Variants in MAP7D2 observed in about 807,000 individuals in gnomAD.
MAP7D2 encodes the protein MAP7 domain-containing protein 2.
A neutral mutation model predicts 63.5 loss-of-function variants in MAP7D2; 33 were observed. That is an observed-to-expected ratio of 0.52 (90% CI 0.39 to 0.70). The LOEUF (loss-of-function observed/expected upper bound fraction) is 0.70, where lower values mean the gene tolerates loss of function less well. MAP7D2 is among the 30% of genes least tolerant of loss of function. The probability of loss-of-function intolerance (pLI) is 0.00; values close to 1 mark genes in which losing one functional copy is unlikely to be tolerated. For missense variants in MAP7D2, 626 were observed against 604.0 expected (o/e 1.04, Z -0.38); for synonymous variants, 224 against 223.7 (o/e 1.00, Z -0.01).
intron 10 of MAP7D2, chrX:20,017,039 G>T (rs2073420891): frequency 8.8e-6 from 1 of 113,767 alleles, no homozygotes; most frequent in Non-Finnish European, 1.9e-5. Context: ...ATCCTGTAAA[G>T]TCCAAGAGCT....
chrX:20,036,304 G>A (rs2074228618), intron 8 of MAP7D2, among the ~76,000 whole-genome samples: 3 of 110,038 alleles, frequency 2.7e-5, no homozygotes, highest in Middle Eastern at 4.6e-3. Flanking sequence ...TGGAAGTGGC[G>A]CGATCTCAGC....
chrX:20,055,638 C>A (rs1453692257), intron 4 of MAP7D2: 2 of 469,337 alleles, frequency 4.3e-6, no homozygotes, highest in Admixed American at 4.9e-5. Flanking sequence ...GACTAAGAAA[C>A]CAATTGTAAA....
intron 3 of MAP7D2, among the ~76,000 whole-genome samples, chrX:20,059,704 G>GGAAGGAAGGAAGGAAA (rs2065157683): frequency 9.5e-6 from 1 of 105,086 alleles, no homozygotes; most frequent in Non-Finnish European, 2.0e-5. Flanking sequence ...AGGATAGATA[G>GGAAGGAAGGAAGGAAA]GAAGGAAGGA....
At chrX:20,108,086 G>A (rs906381774) in intron 1 of MAP7D2, among the ~76,000 whole-genome samples, 14 of 110,720 alleles carry the variant, frequency 1.3e-4, no homozygotes, top group African/African-American at 3.6e-4. Context: ...TCTTTTTTAC[G>A]TTTTTTTTGT....
At position 20,007,154 on chromosome X, in the gene MAP7D2, T is replaced by C. The variant is rs1444597550; in HGVS notation, c.*1271A>G. The C allele has an allele frequency of 8.9e-6, 1 of 112,106 alleles. No individual in the cohort carries two copies. The highest frequency in any genetic ancestry group is 1.9e-5 in the Non-Finnish European group (1 of 53,276). 9.2% of individuals were successfully genotyped at this position (112,106 alleles called of 1,213,427 possible). A position where few individuals can be genotyped will look rare whatever the true frequency, so the allele number is the denominator to read the frequency against. ...GAGTAGAGACACATACACAGACATA[T>C]AATTTCTGTAACTAATACATTCTTA... On this transcript the variant is annotated 3_prime_UTR_variant, in exon 17 of 17. Coordinates refer to ENST00000379643, the MANE Select transcript of MAP7D2 (RefSeq NM_001168465.2).
chrX:20,051,130 C>T, intron 5 of MAP7D2, among the ~76,000 whole-genome samples, 184 bp from the exon 6 acceptor site: 1 of 112,008 alleles, frequency 8.9e-6, no homozygotes, highest in Non-Finnish European at 1.9e-5. Flanking sequence ...ATAATGTGTC[C>T]TTTAGAGTTT....
At chrX:20,071,304 G>C (rs1030387542) in intron 1 of MAP7D2, among the ~76,000 whole-genome samples, 1 of 112,233 alleles carries the variant, frequency 8.9e-6, no homozygotes, top group Non-Finnish European at 1.9e-5. Flanking sequence ...TAGATGCCTG[G>C]GTCTCCCTTC....
intron 10 of MAP7D2, among the ~76,000 whole-genome samples, chrX:20,016,861 G>T (rs975961005): frequency 1.8e-5 from 2 of 111,906 alleles, no homozygotes; most frequent in Non-Finnish European, 3.8e-5. Flanking sequence ...ACAGAAACTT[G>T]ACATTTAATA....
At chrX:20,088,845 T>C (rs1291800278) in intron 1 of MAP7D2, among the ~76,000 whole-genome samples, 2 of 111,135 alleles carry the variant, frequency 1.8e-5, no homozygotes, top group Non-Finnish European at 3.8e-5. Context: ...TTTCTTTCTT[T>C]TTTTTTGAGG....
intron 1 of MAP7D2, among the ~76,000 whole-genome samples, chrX:20,100,041 T>C (rs2066386366): frequency 8.9e-6 from 1 of 111,786 alleles, no homozygotes; most frequent in Admixed American, 9.5e-5. Flanking sequence ...GCATGGGCTT[T>C]CATTTATATC....
chrX:20,075,725 C>T (rs2065627480), intron 1 of MAP7D2, among the ~76,000 whole-genome samples: 2 of 111,893 alleles, frequency 1.8e-5, no homozygotes, highest in Non-Finnish European at 3.8e-5. Context: ...TCCCTTTTGA[C>T]TACTGAATTC....
chrX:20,014,440 C>T (rs1469217508), intron 12 of MAP7D2, among the ~76,000 whole-genome samples: 2 of 110,828 alleles, frequency 1.8e-5, no homozygotes, highest in African/African-American at 6.6e-5. Context: ...TGGTGGTGTG[C>T]GCCTGTAATC....
At chrX:20,098,056 A>G (rs1188710003) in intron 1 of MAP7D2, among the ~76,000 whole-genome samples, 1 of 111,544 alleles carries the variant, frequency 9.0e-6, no homozygotes, top group Non-Finnish European at 1.9e-5. Context: ...ACTATAACAA[A>G]AAATCTTTTT....
chrX:20,041,080 C>T (rs1305696303), intron 8 of MAP7D2, among the ~76,000 whole-genome samples: 1 of 111,658 alleles, frequency 9.0e-6, no homozygotes, highest in African/African-American at 3.3e-5. Flanking sequence ...CCTGCAGGGA[C>T]CATGAGTCCA....
intron 3 of MAP7D2, among the ~76,000 whole-genome samples, chrX:20,063,024 TGA>T (rs1462450097): frequency 9.1e-6 from 1 of 109,729 alleles, no homozygotes. Flanking sequence ...CAATCTCCTC[TGA>T]GTCTTTTTTT....
At chrX:20,044,035 C>T (rs759187684) in intron 7 of MAP7D2, among the ~76,000 whole-genome samples, 4 of 111,651 alleles carry the variant, frequency 3.6e-5, no homozygotes, top group Non-Finnish European at 5.6e-5. Context: ...CTTAGATGCA[C>T]GGGCAAGACT....
chrX:20,098,481 C>T (rs2066333230), intron 1 of MAP7D2, among the ~76,000 whole-genome samples: 1 of 111,993 alleles, frequency 8.9e-6, no homozygotes, highest in East Asian at 2.8e-4. Context: ...CACAGAAAGG[C>T]TCTTGGTCCC....
intron 5 of MAP7D2, chrX:20,052,362 C>G: frequency 3.8e-6 from 1 of 264,442 alleles, no homozygotes; most frequent in Non-Finnish European, 7.1e-6. Flanking sequence ...GCCACCCAAC[C>G]TTTTCCTCTT....
Position 20,064,804 on chromosome X carries a change from G to A in MAP7D2, c.132C>T (p.Gly44=), listed in dbSNP as rs1175568307. Residue 44 remains glycine, a splice_region_variant and synonymous_variant, in exon 2 of 17, where the codon GGC becomes GGT. Coordinates refer to ENST00000379643, the MANE Select transcript of MAP7D2 (RefSeq NM_001168465.2). ...RTSQPNYRPQ[G]MEGFLKSDER... ...CATCTGATTTCAAAAATCCCTCCAT[G>A]CCTACAAAGGAGAAAACTAGATTAT... 1 of 1,199,903 alleles carries A rather than the reference G, an allele frequency of 8.3e-7. No homozygotes were observed. Among genetic ancestry groups the A allele is most frequent in the Non-Finnish European group, 1.1e-6 (1 of 886,499 alleles).
Sources: gnomAD v4.1 joint callset for allele counts (sites outside exome capture counted in the v4.1 genomes callset) on GRCh38, gnomAD v4.1.1 for gene constraint, MANE v1.5 for transcripts, NCBI Gene and HGNC (gene_info 2026-07-23, HGNC 2026-07-21) for gene names.